The following ASTN2 variants were observed in gnomAD, a reference collection of about 807,000 sequenced individuals.
ASTN2 encodes astrotactin 2.
ASTN2 carries 54 observed loss-of-function variants against 139.8 expected under a neutral mutation model. That is an observed-to-expected ratio of 0.39 (90% CI 0.31 to 0.48). The LOEUF is 0.48. ASTN2 is among the 20% of genes least tolerant of loss of function. The pLI, the probability that ASTN2 is intolerant of heterozygous loss-of-function variation, is 0.95. For missense variants in ASTN2, 1,565 were observed against 1,725.1 expected (o/e 0.91, Z 1.64); for synonymous variants, 756 against 719.5 (o/e 1.05, Z -0.81).
intron 10 of ASTN2, among the ~76,000 whole-genome samples, chr9:116,864,993 C>T (rs905228997): frequency 3.3e-5 from 5 of 152,170 alleles, no homozygotes; most frequent in Admixed American, 6.5e-5. Flanking sequence ...CTCTGGCATT[C>T]GGACTTCATA....
intron 1 of ASTN2, among the ~76,000 whole-genome samples, chr9:117,333,068 A>G (rs988429764): frequency 6.6e-6 from 1 of 152,212 alleles, no homozygotes; most frequent in Non-Finnish European, 1.5e-5. Flanking sequence ...TGATGGTTGC[A>G]TGTATCTGTG....
At chr9:116,758,167 A>G (rs960424070) in intron 13 of ASTN2, among the ~76,000 whole-genome samples, 1 of 152,212 alleles carries the variant, frequency 6.6e-6, no homozygotes, top group Non-Finnish European at 1.5e-5. Context: ...CTTTTAGAAG[A>G]GTGCCTGGAA....
intron 19 of ASTN2, among the ~76,000 whole-genome samples, chr9:116,529,015 T>C (rs150308237): frequency 1.6e-3 from 243 of 152,200 alleles, no homozygotes; most frequent in African/African-American, 5.5e-3. Context: ...AGAGGGGAAA[T>C]GTGGGGTTGG....
At chr9:117,129,785 T>C (rs1211411725) in intron 4 of ASTN2, among the ~76,000 whole-genome samples, 2 of 152,182 alleles carry the variant, frequency 1.3e-5, no homozygotes, top group African/African-American at 4.8e-5. Context: ...AAATGGTTTC[T>C]TTTTTGGTTA....
chr9:117,103,330 A>G (rs1432057549), intron 4 of ASTN2, among the ~76,000 whole-genome samples: 1 of 152,120 alleles, frequency 6.6e-6, no homozygotes, highest in Non-Finnish European at 1.5e-5. Flanking sequence ...TCTTACCTCA[A>G]TTTTGCTGCT....
chr9:117,146,238 G>A (rs1275840331), intron 3 of ASTN2, among the ~76,000 whole-genome samples: 1 of 152,056 alleles, frequency 6.6e-6, no homozygotes, highest in Non-Finnish European at 1.5e-5. Context: ...TCCCCAGAGC[G>A]GCAAAATGCT....
At chr9:117,298,688 ATATG>A (rs1208823703) in intron 1 of ASTN2, among the ~76,000 whole-genome samples, 2 of 125,686 alleles carry the variant, frequency 1.6e-5, no homozygotes, top group African/African-American at 5.5e-5. Context: ...ATATATATAT[ATATG>A]TGCATATGTA....
chr9:117,377,487 C>T (rs191783598), intron 1 of ASTN2, among the ~76,000 whole-genome samples: 123 of 152,222 alleles, frequency 8.1e-4, no homozygotes, highest in African/African-American at 2.9e-3. Context: ...GCATTTGTTG[C>T]CATATCTAAA....
At chr9:117,087,994 C>T (rs994192838) in intron 5 of ASTN2, among the ~76,000 whole-genome samples, 8 of 152,178 alleles carry the variant, frequency 5.3e-5, no homozygotes, top group African/African-American at 1.2e-4. Flanking sequence ...CTGTTGTTAA[C>T]ATTTTGCCCC....
chr9:116,888,741 T>C (rs1363685959), intron 10 of ASTN2, among the ~76,000 whole-genome samples: 1 of 152,152 alleles, frequency 6.6e-6, no homozygotes. Flanking sequence ...GCAGGACATG[T>C]AGGTTTGTTA....
At chr9:116,539,747 C>G (rs957012362) in intron 19 of ASTN2, among the ~76,000 whole-genome samples, 2 of 152,226 alleles carry the variant, frequency 1.3e-5, no homozygotes, top group Non-Finnish European at 2.9e-5. Flanking sequence ...TGCAAGATTT[C>G]ATCACACTGC....
chr9:116,441,663 C>T (rs989337700), intron 21 of ASTN2, among the ~76,000 whole-genome samples: 2 of 152,068 alleles, frequency 1.3e-5, no homozygotes, highest in African/African-American at 4.8e-5. Context: ...GTCTGTCTCA[C>T]CACCCATAAT....
At chr9:117,244,190 G>A (rs1402177613) in intron 2 of ASTN2, among the ~76,000 whole-genome samples, 1 of 152,196 alleles carries the variant, frequency 6.6e-6, no homozygotes, top group Non-Finnish European at 1.5e-5. Context: ...CAGTCATGCA[G>A]AATTGTGAGT....
Position 116,503,140 on chromosome 9 carries a change from GT to G in ASTN2, c.3356-15641del, listed in dbSNP as rs571247004. On this transcript the variant is annotated intron_variant, in intron 19 of 22. Coordinates refer to ENST00000313400, the MANE Select transcript of ASTN2 (RefSeq NM_001365068.1). ...AGGAGAAAGGAAAGAAGGGAAGGAA[GT>G]AAGGAAAGAAGAAAGGAGAAAGGAA... Among the ~76,000 whole-genome samples, 403 of 150,348 alleles carry G rather than the reference GT, an allele frequency of 2.7e-3. 9 individuals are homozygous for G. The highest frequency in any genetic ancestry group is 8.3e-4 in the Non-Finnish European group (56 of 67,514).
At chr9:117,038,741 T>C (rs1350497490) in intron 6 of ASTN2, among the ~76,000 whole-genome samples, 1 of 152,186 alleles carries the variant, frequency 6.6e-6, no homozygotes, top group Non-Finnish European at 1.5e-5. Flanking sequence ...GGTGATGGCA[T>C]GTGAGAAGTG....
rs115563528 is a variant in ASTN2 at position 116,658,526 on chromosome 9, A to T, written c.2807-6733T>A. ...GTAGGAAGCCAGAGAAACAGTAGGTAGGAAGGGATCACTGAAGCCAGACAA... is the reference window on the plus strand; with the variant it reads ...GTAGGAAGCCAGAGAAACAGTAGGTTGGAAGGGATCACTGAAGCCAGACAA... On this transcript the variant is annotated intron_variant, in intron 16 of 22. Coordinates refer to ENST00000313400, the MANE Select transcript of ASTN2 (RefSeq NM_001365068.1). Among the ~76,000 whole-genome samples, 620 of 152,268 alleles carry T rather than the reference A, an allele frequency of 4.1e-3. 2 individuals are homozygous for T. The highest frequency in any genetic ancestry group is 0.014 in the African/African-American group (601 of 41,568).
intron 16 of ASTN2, among the ~76,000 whole-genome samples, chr9:116,707,494 C>A (rs1245384169): frequency 6.6e-6 from 1 of 151,846 alleles, no homozygotes. Context: ...TGAGCAGGAT[C>A]GAGAGGACCT....
At chr9:117,060,638 A>T (rs913249354) in intron 5 of ASTN2, among the ~76,000 whole-genome samples, 1 of 150,726 alleles carries the variant, frequency 6.6e-6, no homozygotes, top group Non-Finnish European at 1.5e-5. Flanking sequence ...TCACACCTGT[A>T]ATCTCAGCAC....
At chr9:117,318,485 G>A (rs1212178780) in intron 1 of ASTN2, among the ~76,000 whole-genome samples, 1 of 152,136 alleles carries the variant, frequency 6.6e-6, no homozygotes, top group Non-Finnish European at 1.5e-5. Context: ...CTGGCTTGGA[G>A]GAGAGAGACA....
Sources: gnomAD v4.1 joint callset for allele counts (sites outside exome capture counted in the v4.1 genomes callset) on GRCh38, gnomAD v4.1.1 for gene constraint, MANE v1.5 for transcripts, NCBI Gene and HGNC (gene_info 2026-07-23, HGNC 2026-07-21) for gene names.